Variants in EML6 observed in about 807,000 individuals in gnomAD.
EML6 encodes echinoderm microtubule-associated protein-like 6.
A neutral mutation model predicts 240.1 loss-of-function variants in EML6; 154 were observed. The ratio of observed to expected loss-of-function variants is 0.64; its 90% CI spans 0.56 to 0.73. The LOEUF is 0.73. Among genes scored for constraint, EML6 ranks in the 30% least tolerant of loss-of-function variants. The pLI, the probability that EML6 is intolerant of heterozygous loss-of-function variation, is 0.00. For synonymous variants in EML6, 1,148 were observed against 899.0 expected (o/e 1.28, Z -4.95); for missense variants, 2,964 against 2,474.6 (o/e 1.20, Z -4.20).
chr2:54,956,621 G>A (rs886318889), intron 32 of EML6, among the ~76,000 whole-genome samples: 1 of 113,882 alleles, frequency 8.8e-6, no homozygotes, highest in Non-Finnish European at 2.2e-5. Context: ...GCTGGGAGAA[G>A]TTCTCTGTGG....
intron 7 of EML6, among the ~76,000 whole-genome samples, chr2:54,842,037 G>A (rs759786853): frequency 9.9e-5 from 15 of 151,948 alleles, no homozygotes; most frequent in Admixed American, 7.2e-4. Flanking sequence ...CACCAGAGTG[G>A]TACATTTGTT....
chr2:54,810,260 C>A (rs964797985), intron 2 of EML6, among the ~76,000 whole-genome samples: 2 of 152,084 alleles, frequency 1.3e-5, no homozygotes, highest in Non-Finnish European at 2.9e-5. Flanking sequence ...AATTTATGGG[C>A]TTCAATATGA....
intron 3 of EML6, among the ~76,000 whole-genome samples, chr2:54,814,181 A>G (rs1667981811): frequency 6.6e-6 from 1 of 152,196 alleles, no homozygotes; most frequent in Non-Finnish European, 1.5e-5. Context: ...TTGTGCCCTC[A>G]TAGTCGAATT....
Position 54,911,034 on chromosome 2 carries a change from C to T in EML6, c.3490C>T (p.Pro1164Ser). The stretch of plus-strand genomic sequence containing the variant: ...AAGAGGCAAACGGCATATAATAAGA[C>T]CTTCAGAGGTAATAATCATACACAA... ...APRGKRHIIR[P>S]SEIEKIEWDT... is the part of the protein sequence containing the mutation. Residue 1164 changes from proline (P) to serine (S), a missense_variant, in exon 25 of 42, where the codon CCT becomes TCT. By Grantham distance (74) the Pro-to-Ser change is moderately conservative. Transcript: ENST00000356458. The T allele has an allele frequency of 1.3e-6, 2 of 1,496,672 alleles. No homozygotes were observed. The highest frequency in any genetic ancestry group is 1.8e-6 in the Non-Finnish European group (2 of 1,102,692). The allele number at this position is 1,496,672 out of a possible 1,614,324, so 92.7% of individuals were successfully genotyped here.
chr2:54,781,995 T>C (rs1215435956), intron 2 of EML6, among the ~76,000 whole-genome samples: 1 of 152,206 alleles, frequency 6.6e-6, no homozygotes, highest in African/African-American at 2.4e-5. Flanking sequence ...AAATTTCAAA[T>C]TGTTAATATT....
intron 40 of EML6, 143 bp downstream of exon 40, chr2:54,968,424 C>A: frequency 1.2e-6 from 1 of 856,042 alleles, no homozygotes; most frequent in Non-Finnish European, 1.8e-6. Context: ...AGTTTTTCAC[C>A]TCCTGGAGGG....
chr2:54,949,908 T>A (rs1190015372), intron 29 of EML6, among the ~76,000 whole-genome samples: 1 of 152,234 alleles, frequency 6.6e-6, no homozygotes, highest in Non-Finnish European at 1.5e-5. Flanking sequence ...CCCTGGTCTT[T>A]CCAAGACCTT....
intron 17 of EML6, among the ~76,000 whole-genome samples, chr2:54,888,229 C>G (rs868794276): frequency 2.0e-5 from 3 of 152,012 alleles, no homozygotes; most frequent in South Asian, 2.1e-4. Context: ...GCAGTGTGGC[C>G]GGGAGACATG....
intron 2 of EML6, among the ~76,000 whole-genome samples, chr2:54,768,868 A>G (rs796169444): frequency 6.6e-6 from 1 of 152,200 alleles, no homozygotes; most frequent in Non-Finnish European, 1.5e-5. Context: ...ATAAGTAACA[A>G]TTATACAAGA....
chr2:54,853,562 C>T, intron 10 of EML6, 81 bp from the exon 11 acceptor site: 1 of 935,646 alleles, frequency 1.1e-6, no homozygotes. Flanking sequence ...CAAAAGTTTT[C>T]TTAAAGTTTC....
chr2:54,827,608 A>C lies in EML6; in HGVS notation c.568A>C (p.Ile190Leu). The change falls in exon 6 of 42, where the codon ATA becomes CTA. Residue 190 changes from isoleucine to leucine, a missense_variant. Transcript: ENST00000356458. Reference sequence around the variant, plus strand: ...AAATGCCCTGACTGCAAAAAGAGGGATATTTGGCAAAACAGGGGATCTTCA... The same window carrying C: ...AAATGCCCTGACTGCAAAAAGAGGGCTATTTGGCAAAACAGGGGATCTTCA... ...CGNALTAKRG[I>L]FGKTGDLQTI... is the part of the protein sequence containing the mutation. The C allele has an allele frequency of 6.4e-7, 1 of 1,551,712 alleles. No homozygotes were observed. The highest frequency in any genetic ancestry group is 8.7e-7 in the Non-Finnish European group (1 of 1,146,992).
chr2:54,797,048 C>A (rs577612777), intron 2 of EML6, among the ~76,000 whole-genome samples: 1 of 151,290 alleles, frequency 6.6e-6, no homozygotes, highest in African/African-American at 2.4e-5. Context: ...ACCTGTAGTC[C>A]CAGCTGCTCA....
chr2:54,820,260 T>A (rs1668270708), intron 4 of EML6, 134 bp from the exon 5 acceptor site: 2 of 599,570 alleles, frequency 3.3e-6, no homozygotes, highest in Non-Finnish European at 5.9e-6. Flanking sequence ...CCAAGCCAAA[T>A]CTTCCATTTT....
At chr2:54,845,429 T>G (rs1182550304) in intron 8 of EML6, among the ~76,000 whole-genome samples, 1 of 152,230 alleles carries the variant, frequency 6.6e-6, no homozygotes, top group Non-Finnish European at 1.5e-5. Context: ...TTGTTAAGTC[T>G]CAGAATTGCA....
rs1668097355 is a variant in EML6, at chr2:54,816,725, C to G, written c.358-62C>G. ...AACCCATAGTAAATAGTAACTATTTCTTAACGTGTCAGTAAGTCTTCCCAT... is the reference window on the plus strand; with the variant it reads ...AACCCATAGTAAATAGTAACTATTTGTTAACGTGTCAGTAAGTCTTCCCAT... On this transcript the variant is annotated intron_variant, in intron 3 of 41. Transcript: ENST00000356458. 18 of 1,244,108 alleles carry G rather than the reference C, an allele frequency of 1.4e-5. No individual in the cohort carries two copies. In the South Asian group the frequency reaches 2.3e-4, roughly 16 times the overall value. 77.1% of individuals were successfully genotyped at this position (1,244,108 alleles called of 1,614,324 possible). A position where few individuals can be genotyped will look rare whatever the true frequency, so the allele number is the denominator to read the frequency against.
At chr2:54,953,553 T>C (rs1314880533) in intron 31 of EML6, among the ~76,000 whole-genome samples, 1 of 152,188 alleles carries the variant, frequency 6.6e-6, no homozygotes, top group East Asian at 1.9e-4. Context: ...GCTATAGGTC[T>C]CTTATGCCCA....
At chr2:54,832,214 C>T (rs988651337) in intron 7 of EML6, among the ~76,000 whole-genome samples, 1 of 152,226 alleles carries the variant, frequency 6.6e-6, no homozygotes, top group African/African-American at 2.4e-5. Context: ...CTGGCCCACC[C>T]ATTGCTTCCA....
intron 17 of EML6, among the ~76,000 whole-genome samples, chr2:54,889,628 A>G (rs1672353234): frequency 6.6e-6 from 1 of 151,920 alleles, no homozygotes; most frequent in African/African-American, 2.4e-5. Context: ...TTGGTATTCA[A>G]TTTTATATAC....
chr2:54,868,982 TG>T, intron 14 of EML6, 198 bp from the exon 15 acceptor site: 1 of 505,454 alleles, frequency 2.0e-6, no homozygotes, highest in Non-Finnish European at 3.5e-6. Context: ...CAATGTTCAG[TG>T]CCCATGTGCC....
Sources: gnomAD v4.1 joint callset for allele counts (sites outside exome capture counted in the v4.1 genomes callset) on GRCh38, gnomAD v4.1.1 for gene constraint, MANE v1.5 for transcripts, NCBI Gene and HGNC (gene_info 2026-07-23, HGNC 2026-07-21) for gene names.